Variants in TENM3 observed in about 807,000 individuals in gnomAD.
The protein encoded by TENM3 is teneurin-3.
Under a neutral mutation model 255.1 loss-of-function variants are expected in TENM3, and 63 were observed. That is an observed-to-expected ratio of 0.25 (90% CI 0.20 to 0.30). TENM3 has a LOEUF of 0.30. Ranked by LOEUF, TENM3 falls within the 10% of genes least tolerant of loss-of-function variation. The probability of loss-of-function intolerance (pLI) is 1.00; values close to 1 mark genes in which losing one functional copy is unlikely to be tolerated. For missense variants in TENM3, 2,929 were observed against 3,461.1 expected (o/e 0.85, Z 3.86); for synonymous variants, 1,306 against 1,322.3 (o/e 0.99, Z 0.27).
At chr4:181,550,049 G>T in the TENM3 span, among the ~76,000 whole-genome samples, 1 of 152,104 alleles carries the variant, frequency 6.6e-6, no homozygotes, top group East Asian at 1.9e-4. Flanking sequence ...TTCCAATAAA[G>T]TGTTAGATAA....
chr4:181,709,843 TA>T, the TENM3 span, among the ~76,000 whole-genome samples: 3 of 152,014 alleles, frequency 2.0e-5, no homozygotes, highest in Non-Finnish European at 4.4e-5. Context: ...GGATTGGGAG[TA>T]GCATATGGGA....
intron 3 of TENM3, among the ~76,000 whole-genome samples, chr4:182,564,931 C>T (rs1743622588): frequency 6.6e-6 from 1 of 152,182 alleles, no homozygotes; most frequent in Non-Finnish European, 1.5e-5. Context: ...TACAACATGA[C>T]AGTATAAATA....
chr4:181,591,935 G>T, the TENM3 span, among the ~76,000 whole-genome samples: 324 of 146,918 alleles, frequency 2.2e-3, no homozygotes, highest in African/African-American at 7.7e-3. Context: ...TCTCAAAATA[G>T]CTATGCTGAG....
intron 3 of TENM3, among the ~76,000 whole-genome samples, chr4:182,384,909 CCTAAAAAA>C (rs1255206925): frequency 6.6e-6 from 1 of 152,070 alleles, no homozygotes; most frequent in Non-Finnish European, 1.5e-5. Flanking sequence ...AGCCCCATCT[CCTAAAAAA>C]CAGTTTTACA....
chr4:182,160,275 T>G (rs1751049776), intron 1 of TENM3, among the ~76,000 whole-genome samples: 1 of 152,110 alleles, frequency 6.6e-6, no homozygotes, highest in South Asian at 2.1e-4. Flanking sequence ...GTGCTGGGAT[T>G]ACAGGCGTGA....
the TENM3 span, among the ~76,000 whole-genome samples, chr4:182,041,918 T>G: frequency 3.9e-5 from 6 of 152,252 alleles, no homozygotes; most frequent in East Asian, 1.2e-3. Flanking sequence ...AAAGTATAAT[T>G]AATTTGGTTC....
chr4:182,268,291 A>G (rs555765490), intron 1 of TENM3, among the ~76,000 whole-genome samples: 1 of 152,338 alleles, frequency 6.6e-6, no homozygotes, highest in Non-Finnish European at 1.5e-5. Context: ...AGAGTTATAA[A>G]TAAACCTTAC....
chr4:182,005,898 C>A, the TENM3 span, among the ~76,000 whole-genome samples: 65 of 152,184 alleles, frequency 4.3e-4, no homozygotes, highest in African/African-American at 1.2e-3. Context: ...AGGAATGCTT[C>A]TGATTTCTGC....
the TENM3 span, among the ~76,000 whole-genome samples, chr4:181,833,076 T>C: frequency 6.6e-6 from 1 of 152,084 alleles, no homozygotes; most frequent in African/African-American, 2.4e-5. Context: ...TTGTGTAATC[T>C]AGAGGAGGTC....
chr4:182,512,150 T>C (rs1390855207), intron 3 of TENM3, among the ~76,000 whole-genome samples: 1 of 152,210 alleles, frequency 6.6e-6, no homozygotes, highest in African/African-American at 2.4e-5. Flanking sequence ...CTGTCTTCCT[T>C]GATAAGGCTA....
chr4:181,744,702 C>G, the TENM3 span, among the ~76,000 whole-genome samples: 7 of 152,106 alleles, frequency 4.6e-5, no homozygotes, highest in Non-Finnish European at 1.0e-4. Flanking sequence ...AAGAACTGGT[C>G]CCAAGCAGTT....
At chr4:182,666,408 G>C (rs1233874348) in intron 6 of TENM3, among the ~76,000 whole-genome samples, 2 of 152,096 alleles carry the variant, frequency 1.3e-5, no homozygotes, top group Non-Finnish European at 2.9e-5. Flanking sequence ...AATCAATGTG[G>C]CAAACTTAAT....
the TENM3 span, among the ~76,000 whole-genome samples, chr4:181,571,591 G>A: frequency 8.4e-3 from 1,284 of 152,260 alleles, 8 homozygotes; most frequent in Middle Eastern, 0.041. Context: ...TCCTGCCTCA[G>A]CCTTCCAAAG....
chr4:182,288,845 C>T lies in TENM3; in HGVS notation c.-75-35101C>T, dbSNP rs536954240. Among the ~76,000 whole-genome samples the T allele has an allele frequency of 8.3e-4, 126 of 152,206 alleles. 1 individual carries two copies. Among genetic ancestry groups the T allele is most frequent in the Non-Finnish European group, 1.6e-3 (106 of 68,012 alleles). On this transcript the variant is annotated intron_variant, in intron 1 of 27. Transcript: ENST00000511685. ...AGCGTACAAAGTCATTCTCTCAGGT[C>T]CACCACACCTATGCCGAAAAATAAA...
chr4:181,553,437 C>G, the TENM3 span, among the ~76,000 whole-genome samples: 1 of 151,682 alleles, frequency 6.6e-6, no homozygotes, highest in Non-Finnish European at 1.5e-5. Flanking sequence ...GATAGAAGGG[C>G]TTTTTATTTA....
intron 1 of TENM3, among the ~76,000 whole-genome samples, chr4:182,176,570 C>T (rs1752499276): frequency 6.6e-6 from 1 of 152,166 alleles, no homozygotes; most frequent in Middle Eastern, 3.4e-3. Flanking sequence ...AAAATAAACT[C>T]GTAATTATTT....
the TENM3 span, among the ~76,000 whole-genome samples, chr4:181,669,230 G>A: frequency 2.0e-5 from 3 of 152,298 alleles, no homozygotes; most frequent in South Asian, 4.1e-4. Context: ...GGACACTGCT[G>A]TAAATTCATT....
intron 1 of TENM3, among the ~76,000 whole-genome samples, chr4:182,288,510 A>T (rs1350252951): frequency 6.6e-6 from 1 of 152,206 alleles, no homozygotes; most frequent in African/African-American, 2.4e-5. Context: ...CCAGAATCTA[A>T]AAATGTGTCT....
the TENM3 span, among the ~76,000 whole-genome samples, chr4:182,071,438 TTTTTTCTTTTC>T: frequency 6.6e-6 from 1 of 150,752 alleles, no homozygotes; most frequent in Non-Finnish European, 1.5e-5. Context: ...ATTTCTTTTC[TTTTTTCTTTTC>T]TTTTTTTTTT....
Sources: allele counts gnomAD v4.1 joint callset (sites outside exome capture counted in the v4.1 genomes callset), GRCh38; gene constraint gnomAD v4.1.1; transcripts MANE v1.5; gene names NCBI Gene and HGNC (gene_info 2026-07-23, HGNC 2026-07-21).